The following HIVEP3 variants were observed in gnomAD, a reference collection of about 807,000 sequenced individuals.
HIVEP3 encodes the protein transcription factor HIVEP3.
A neutral mutation model predicts 152.8 loss-of-function variants in HIVEP3; 49 were observed. The ratio of observed to expected loss-of-function variants is 0.32; its 90% CI spans 0.26 to 0.41. The LOEUF (loss-of-function observed/expected upper bound fraction) is 0.41, where lower values mean the gene tolerates loss of function less well. Among genes scored for constraint, HIVEP3 ranks in the 10% least tolerant of loss-of-function variants. The probability of loss-of-function intolerance (pLI) is 1.00; values close to 1 mark genes in which losing one functional copy is unlikely to be tolerated. For synonymous variants in HIVEP3, 1,269 were observed against 1,289.0 expected, an observed-to-expected ratio of 0.98 and a Z score of 0.33; for missense variants, 2,790 against 3,103.3, an observed-to-expected ratio of 0.90 and a Z score of 2.40.
At chr1:41,876,887 T>C (rs934376876) in intron 1 of HIVEP3, among the ~76,000 whole-genome samples, 3 of 152,212 alleles carry the variant, frequency 2.0e-5, no homozygotes, top group Non-Finnish European at 4.4e-5. Context: ...TTATCTGCTG[T>C]GCAGCCTGGA....
chr1:41,894,817 G>T (rs1350035715), intron 1 of HIVEP3, among the ~76,000 whole-genome samples: 1 of 152,172 alleles, frequency 6.6e-6, no homozygotes, highest in African/African-American at 2.4e-5. Flanking sequence ...GCTTTGAAAG[G>T]TCCCAAGTCT....
intron 3 of HIVEP3, among the ~76,000 whole-genome samples, chr1:41,619,468 A>G (rs1403116908): frequency 6.6e-6 from 1 of 152,208 alleles, no homozygotes; most frequent in East Asian, 1.9e-4. Context: ...GTGTGTAGTG[A>G]CGATATGTTT....
At chr1:41,643,890 C>CTTTTTTTT (rs58838768) in intron 2 of HIVEP3, among the ~76,000 whole-genome samples, 12,004 of 71,424 alleles carry the variant, frequency 0.17, 1,810 homozygotes, top group East Asian at 0.62. Context: ...TTCCCATCCT[C>CTTTTTTTT]TTTTTTTTTT....
intron 3 of HIVEP3, among the ~76,000 whole-genome samples, chr1:41,625,163 A>C: frequency 6.6e-5 from 1 of 15,040 alleles, no homozygotes; most frequent in Admixed American, 6.1e-4. Flanking sequence ...ATTCCAACTC[A>C]AAAAAAAAAA....
chr1:41,526,386 ACACT>A (rs1199429552), intron 5 of HIVEP3, among the ~76,000 whole-genome samples: 129 of 124,208 alleles, frequency 1.0e-3, no homozygotes, highest in African/African-American at 3.5e-3. Context: ...GCTCGCCCTC[ACACT>A]CACACATGCC....
intron 1 of HIVEP3, among the ~76,000 whole-genome samples, chr1:41,731,013 C>T (rs1244449515): frequency 2.0e-5 from 3 of 152,156 alleles, no homozygotes. Context: ...AATCTCTCCT[C>T]TGTGGCGTCT....
At chr1:41,824,776 TATATATATAG>T (rs1223814542) in intron 1 of HIVEP3, among the ~76,000 whole-genome samples, 11 of 12,306 alleles carry the variant, frequency 8.9e-4, no homozygotes, top group African/African-American at 1.7e-3. Flanking sequence ...TATATATATA[TATATATATAG>T]AGAGAGAGAG....
intron 1 of HIVEP3, among the ~76,000 whole-genome samples, chr1:41,967,737 C>A (rs545433682): frequency 6.6e-6 from 1 of 152,120 alleles, no homozygotes; most frequent in East Asian, 1.9e-4. Flanking sequence ...AAAAAAAACC[C>A]TTCAAAAAAT....
chr1:41,743,810 C>T lies in HIVEP3; in HGVS notation c.-800-42815G>A, dbSNP rs531093951. On this transcript the variant is annotated intron_variant, in intron 1 of 8. Transcript: ENST00000372583. Reference sequence around the variant, plus strand: ...ACTTGTGAGTGGTTGCATTGAATGCCGGCCATCAGGCACCTTTGCGTAAAT... The same window carrying T: ...ACTTGTGAGTGGTTGCATTGAATGCTGGCCATCAGGCACCTTTGCGTAAAT... Among the ~76,000 whole-genome samples, 9 of 152,232 alleles carry T rather than the reference C, an allele frequency of 5.9e-5. No homozygotes were observed. The East Asian group carries it at 1.2e-3, about 20-fold the overall frequency.
chr1:41,585,917 T>C (rs918320495), intron 3 of HIVEP3, among the ~76,000 whole-genome samples: 1 of 152,166 alleles, frequency 6.6e-6, no homozygotes, highest in Non-Finnish European at 1.5e-5. Flanking sequence ...CCCTGGGTTC[T>C]GAAAGTGTCC....
intron 5 of HIVEP3, among the ~76,000 whole-genome samples, chr1:41,540,049 G>T (rs1643490358): frequency 6.6e-6 from 1 of 152,250 alleles, no homozygotes; most frequent in Admixed American, 6.5e-5. Context: ...CTTACAGGTG[G>T]TGAAGGAGAG....
In HIVEP3 at chr1:41,778,919, G is replaced by A. The variant is rs369360275; in HGVS notation, c.-800-77924C>T. ...GGAAGGGTGAGAGGGAGAAAGCCAG[G>A]CATGTATCTGAGGGAAGAGCATCAC... On this transcript the variant is annotated intron_variant, in intron 1 of 8. Coordinates refer to ENST00000372583, the MANE Select transcript of HIVEP3 (RefSeq NM_024503.5). 2.8e-4 allele frequency among the ~76,000 whole-genome samples: 42 copies of A among 152,322 alleles called. 1 individual carries two copies. The East Asian group carries it at 7.7e-3, about 28-fold the overall frequency.
intron 3 of HIVEP3, among the ~76,000 whole-genome samples, chr1:41,608,917 C>CAAAAAA (rs35714997): frequency 3.6e-4 from 45 of 123,530 alleles, no homozygotes; most frequent in African/African-American, 1.2e-3. Context: ...CTAAAAATAC[C>CAAAAAA]AAAAAAAAAA....
chr1:42,009,127 T>C (rs1268871183), intron 1 of HIVEP3, among the ~76,000 whole-genome samples: 1 of 152,258 alleles, frequency 6.6e-6, no homozygotes, highest in Non-Finnish European at 1.5e-5. Flanking sequence ...ACGCTGGTGA[T>C]GCCCGACCTC....
At chr1:41,863,181 T>C (rs1643909858) in intron 1 of HIVEP3, among the ~76,000 whole-genome samples, 1 of 152,190 alleles carries the variant, frequency 6.6e-6, no homozygotes, top group Non-Finnish European at 1.5e-5. Context: ...AACTGCCTCC[T>C]GGGAAGTTAA....
intron 5 of HIVEP3, among the ~76,000 whole-genome samples, chr1:41,545,471 C>CACT (rs1475799045): frequency 1.4e-5 from 2 of 145,928 alleles, no homozygotes; most frequent in African/African-American, 2.6e-5. Context: ...TCACCACCAC[C>CACT]AACACCACTA....
intron 1 of HIVEP3, among the ~76,000 whole-genome samples, chr1:41,815,146 A>T (rs528053527): frequency 2.6e-5 from 4 of 152,338 alleles, no homozygotes; most frequent in South Asian, 4.1e-4. Context: ...ACTGAAAAGA[A>T]GTCAGCCATA....
At chr1:41,698,479 C>T (rs1442043534) in intron 2 of HIVEP3, among the ~76,000 whole-genome samples, 5 of 152,232 alleles carry the variant, frequency 3.3e-5, no homozygotes, top group African/African-American at 1.2e-4. Flanking sequence ...TATCATGTAG[C>T]TCATCCATGT....
intron 5 of HIVEP3, among the ~76,000 whole-genome samples, chr1:41,572,729 G>A (rs998309640): frequency 6.6e-6 from 1 of 152,238 alleles, no homozygotes; most frequent in African/African-American, 2.4e-5. Context: ...ATTAAGGCAA[G>A]TTTAATTAGA....
Sources: gnomAD v4.1 joint callset for allele counts (sites outside exome capture counted in the v4.1 genomes callset) on GRCh38, gnomAD v4.1.1 for gene constraint, MANE v1.5 for transcripts, NCBI Gene and HGNC (gene_info 2026-07-23, HGNC 2026-07-21) for gene names.